PKD1: variants seen among roughly 807,000 people sequenced by gnomAD.
PKD1 encodes the protein polycystin 1, transient receptor potential channel interacting, also known as polycystin-1.
A neutral mutation model predicts 361.7 loss-of-function variants in PKD1; 81 were observed. The observed-to-expected ratio is 0.22, with a 90% confidence interval of 0.19 to 0.27. PKD1 has a LOEUF of 0.27. Among genes scored for constraint, PKD1 ranks in the 10% least tolerant of loss-of-function variants. The pLI is 1.00. For missense variants in PKD1, 6,399 were observed against 6,118.3 expected (o/e 1.05, Z -1.53); for synonymous variants, 3,615 against 2,818.3 (o/e 1.28, Z -8.95).
rs1467236305 is a variant in PKD1 at position 2,118,340 on chromosome 16, C to T, written c.652G>A (p.Gly218Ser). ...EACSAFCFST[G>S]QGLAALSEQG... ...TCCGAGAGGGCTGCGAGGCCCTGGCCGGTGGAGAAGCAGAAGGCGCTGCAG... is the reference window on the plus strand; with the variant it reads ...TCCGAGAGGGCTGCGAGGCCCTGGCTGGTGGAGAAGCAGAAGGCGCTGCAG... Residue 218 changes from glycine (G) to serine (S), a missense_variant, in exon 5 of 46, where the codon GGC becomes AGC. By Grantham distance (56) the Gly-to-Ser change is moderately conservative. Transcript: ENST00000262304. This position sits in a 1 kb window ranked among gnomAD's most constrained non-coding sequence, Gnocchi z 6.0. 6 of 1,460,946 alleles carry T rather than the reference C, an allele frequency of 4.1e-6. No homozygotes were observed. The highest frequency in any genetic ancestry group is 2.5e-5 in the East Asian group (1 of 40,528). The allele number at this position is 1,460,946 out of a possible 1,614,324, so 90.5% of individuals were successfully genotyped here. A position where few individuals can be genotyped will look rare whatever the true frequency, so the allele number is the denominator to read the frequency against.
intron 1 of PKD1, among the ~76,000 whole-genome samples, chr16:2,119,614 A>C (rs2092689746): frequency 6.6e-6 from 1 of 152,166 alleles, no homozygotes; most frequent in Non-Finnish European, 1.5e-5. Flanking sequence ...TCTCAGCCCT[A>C]TGCCGAGTGC....
rs946885769 is a variant in PKD1, at chr16:2,088,832, G to A, written c.*895C>T. On this transcript the variant is annotated 3_prime_UTR_variant, in exon 46 of 46. Coordinates refer to ENST00000262304, the MANE Select transcript of PKD1 (RefSeq NM_001009944.3). ...CAGAAGCAGGCACAGCCAGCTCCGA[G>A]GGCCTTGAGGCTGCCTGGGCCATAC... 4.8e-6 allele frequency: 3 copies of A among 619,034 alleles called. No homozygotes were observed. Among genetic ancestry groups the A allele is most frequent in the South Asian group, 2.0e-5 (1 of 50,986 alleles). The allele number at this position is 619,034 out of a possible 1,614,324, so 38.3% of individuals were successfully genotyped here.
chr16:2,135,723 C>G lies in PKD1; in HGVS notation c.-34G>C. On this transcript the variant is annotated 5_prime_UTR_variant, in exon 1 of 46. Transcript: ENST00000262304. ...CAGCGCGCGCATGGCCCCGCCGTCC[C>G]CAGGCCCGCCCGCGCGCGGAGGCCG... is the stretch of plus-strand genomic sequence containing the variant. 1.0e-6 allele frequency: 1 copy of G among 955,296 alleles called. No individual in the cohort carries two copies. The highest frequency in any genetic ancestry group is 1.2e-6 in the Non-Finnish European group (1 of 805,476). The allele number at this position is 955,296 out of a possible 1,614,324, so 59.2% of individuals were successfully genotyped here.
Position 2,102,414 on chromosome 16 carries a change from G to A in PKD1, c.9168C>T (p.Phe3056=), listed in dbSNP as rs199787425. Residue 3056 remains phenylalanine (F), a synonymous_variant, in exon 25 of 46, where the codon TTC becomes TTT. Transcript: ENST00000262304. ...CAAAGCGGACATGGCTTGGGGGCAC[G>A]AAGAGGCTGGCGCCGAAGGCGGTGA... ...RHLTAFGASL[F]VPPSHVRFVF... is the part of the protein sequence containing the mutation. 14 of 1,553,904 alleles carry A rather than the reference G, an allele frequency of 9.0e-6. No individual in the cohort carries two copies. In the East Asian group the frequency reaches 2.4e-4, roughly 27 times the overall value.
chr16:2,105,288 T>A, intron 21 of PKD1, 34 bp downstream of exon 21: 1 of 1,590,446 alleles, frequency 6.3e-7, no homozygotes, highest in Non-Finnish European at 8.5e-7. Context: ...CTGGCAGGCA[T>A]GCGGGGCAGG....
At chr16:2,112,099 G>A (rs1175122173) in intron 14 of PKD1, among the ~76,000 whole-genome samples, 1 of 152,252 alleles carries the variant, frequency 6.6e-6, no homozygotes, top group African/African-American at 2.4e-5. Flanking sequence ...ACTCGGGGCA[G>A]CAGAGCAGCA....
Position 2,116,860 on chromosome 16 carries a change from T to C in PKD1, c.1579A>G (p.Ser527Gly), listed in dbSNP as rs1249963454. ...CCGGGCTGCAGCTCGCAGACGTAGC[T>C]GTGCGGCGCTGAGCACAGGTCGGTG... ...CNTDLCSAPH[S>G]YVCELQPGGP... is the part of the protein sequence containing the mutation. The change falls in exon 7 of 46, where the codon AGC becomes GGC. Residue 527 changes from serine (S) to glycine (G), a missense_variant. Coordinates refer to ENST00000262304, the MANE Select transcript of PKD1 (RefSeq NM_001009944.3). The C allele has an allele frequency of 2.0e-6, 3 of 1,530,816 alleles. No homozygotes were observed. Among genetic ancestry groups the C allele is most frequent in the Middle Eastern group, 4.6e-4 (2 of 4,346 alleles). The allele number at this position is 1,530,816 out of a possible 1,614,324, so 94.8% of individuals were successfully genotyped here. A position where few individuals can be genotyped will look rare whatever the true frequency, so the allele number is the denominator to read the frequency against.
intron 1 of PKD1, among the ~76,000 whole-genome samples, chr16:2,126,329 G>A (rs2151841655): frequency 6.6e-6 from 1 of 152,388 alleles, no homozygotes; most frequent in Non-Finnish European, 1.5e-5. Context: ...TTTCTGAGGT[G>A]GCCTCACAGA....
At position 2,093,704 on chromosome 16, in the gene PKD1, G is replaced by A. The variant is rs115883514; in HGVS notation, c.10856C>T (p.Ala3619Val). Residue 3619 changes from alanine to valine, a missense_variant, in exon 37 of 46, where the codon GCC becomes GTC. By Grantham distance (64) the Ala-to-Val change is moderately conservative. Transcript: ENST00000262304. ...ATCTTCATCCGGGTGCAGCCGCTTGGCCACCAGTGAGAAGTACAGGGCTTC... is the reference window on the plus strand; with the variant it reads ...ATCTTCATCCGGGTGCAGCCGCTTGACCACCAGTGAGAAGTACAGGGCTTC... The part of the protein sequence containing the change: ...LLEALYFSLV[A>V]KRLHPDEDDT... 4 of 1,597,086 alleles carry A rather than the reference G, an allele frequency of 2.5e-6. No individual in the cohort carries two copies. In the East Asian group the frequency reaches 6.8e-5, roughly 27 times the overall value.
Position 2,135,484 on chromosome 16 carries a change from G to C in PKD1, c.206C>G (p.Ala69Gly). The C allele has an allele frequency of 8.6e-7, 1 of 1,166,752 alleles. No individual in the cohort carries two copies. Among genetic ancestry groups the C allele is most frequent in the Non-Finnish European group, 1.1e-6 (1 of 943,424 alleles). 72.3% of individuals were successfully genotyped at this position (1,166,752 alleles called of 1,614,324 possible). Residue 69 changes from alanine to glycine, a missense_variant, in exon 1 of 46, where the codon GCC becomes GGC. By Grantham distance (60) the Ala-to-Gly change is moderately conservative. Coordinates refer to ENST00000262304, the MANE Select transcript of PKD1 (RefSeq NM_001009944.3). ...LGPALRIPAD[A>G]TALDVSHNLL... ...TGGGCCCGCTACTCACAGCGCTGTG[G>C]CGTCCGCGGGGATGCGCAGCGCGGG... is the stretch of plus-strand genomic sequence containing the variant.
intron 39 of PKD1, 61 bp downstream of exon 39, chr16:2,092,419 A>T (rs2091638038): frequency 8.2e-7 from 1 of 1,218,428 alleles, no homozygotes; most frequent in South Asian, 1.2e-5. Flanking sequence ...GAGCTCCGCT[A>T]AAGGCTGCTC....
At chr16:2,096,098 G>C (rs1195349162) in intron 34 of PKD1, among the ~76,000 whole-genome samples, 1 of 152,244 alleles carries the variant, frequency 6.6e-6, no homozygotes, top group Non-Finnish European at 1.5e-5. Flanking sequence ...AACTAGATGT[G>C]GATGCAAAAG....
Position 2,119,138 on chromosome 16 carries a change from G to A in PKD1, c.335C>T (p.Ala112Val), listed in dbSNP as rs1261496619. ...CATTTCACTTAAATTAAATAAATTAGCAAATATTCCTTCTTCTAACGTAGA... is the reference window on the plus strand; with the variant it reads ...CATTTCACTTAAATTAAATAAATTAACAAATATTCCTTCTTCTAACGTAGA... ...KISTLEEGIF[A>V]NLFNLSEINL... Residue 112 changes from alanine to valine, a missense_variant, in exon 3 of 46, where the codon GCT (alanine) becomes GTT (valine). Physicochemically the swap from Ala to Val is moderately conservative, Grantham distance 64. Transcript: ENST00000262304. 5 of 1,405,020 alleles carry A rather than the reference G, an allele frequency of 3.6e-6. No homozygotes were observed. Among genetic ancestry groups the A allele is most frequent in the Non-Finnish European group, 4.0e-6 (4 of 1,009,140 alleles). The allele number at this position is 1,405,020 out of a possible 1,614,324, so 87.0% of individuals were successfully genotyped here.
At chr16:2,101,604 T>G (rs2092099828) in intron 26 of PKD1, among the ~76,000 whole-genome samples, 1 of 151,954 alleles carries the variant, frequency 6.6e-6, no homozygotes, top group Admixed American at 6.6e-5. Flanking sequence ...GGCAACAGAG[T>G]GAGACTCCGT....
At position 2,103,369 on chromosome 16, in the gene PKD1, G is replaced by A. The variant is rs548736542; in HGVS notation, c.8688C>T (p.Ser2896=). The change falls in exon 23 of 46, where the codon TCC becomes TCT. Residue 2896 remains serine (S), a synonymous_variant. Transcript: ENST00000262304. ...GHRSSANSAN[S]VVVQPQASVG... ...CGGAGGCCTGGGGCTGGACCACAAC[G>A]GAGTTGGCGGAGTTGGCGGAGCTGC... 1.4e-5 allele frequency: 23 copies of A among 1,601,280 alleles called. No homozygotes were observed. Among genetic ancestry groups the A allele is most frequent in the East Asian group, 6.7e-5 (3 of 44,846 alleles).
In PKD1 at chr16:2,111,489, G is replaced by A. The variant is rs780057846; in HGVS notation, c.3678C>T (p.Gly1226=). ...SVDMSLAVEQ[G]APVVVSAAVQ... ...CCGCGGCGCTGACCACCACGGGGGCGCCCTGCTCCACGGCCAGGCTCATGT... is the reference window on the plus strand; with the variant it reads ...CCGCGGCGCTGACCACCACGGGGGCACCCTGCTCCACGGCCAGGCTCATGT... Residue 1226 remains glycine (G), a synonymous_variant, in exon 15 of 46, where the codon GGC becomes GGT. Transcript: ENST00000262304. The A allele has an allele frequency of 5.0e-6, 8 of 1,610,948 alleles. No homozygotes were observed. The highest frequency in any genetic ancestry group is 3.3e-5 in the South Asian group (3 of 90,916).
intron 16 of PKD1, chr16:2,107,652 C>T: frequency 1.6e-6 from 1 of 613,100 alleles, no homozygotes; most frequent in Non-Finnish European, 3.0e-6. Context: ...TGCTAGGGGA[C>T]TGTGTAGCTT....
Position 2,103,698 on chromosome 16 carries a change from G to A in PKD1, c.8359C>T (p.Arg2787Cys), listed in dbSNP as rs371765908. The change falls in exon 23 of 46, where the codon CGC (arginine) becomes TGC (cysteine). Residue 2787 changes from arginine to cysteine, a missense_variant. Coordinates refer to ENST00000262304, the MANE Select transcript of PKD1 (RefSeq NM_001009944.3). The part of the protein sequence containing the change: ...AGEEIVAQGK[R>C]SDPRSLLCYG... ...CACAGCAGGCTCCGCGGGTCCGAGC[G>A]CTTGCCCTGGGCCACGATCTCCTCG... 67 of 1,609,954 alleles carry A rather than the reference G, an allele frequency of 4.2e-5. No homozygotes were observed. The highest frequency in any genetic ancestry group is 7.7e-5 in the South Asian group (7 of 90,954).
chr16:2,115,817 C>T (rs1286676985), intron 9 of PKD1, among the ~76,000 whole-genome samples, 175 bp downstream of exon 9: 1 of 152,186 alleles, frequency 6.6e-6, no homozygotes, highest in Admixed American at 6.5e-5. Flanking sequence ...GCAGGCCCCA[C>T]CCAATCCACC....
Sources: allele counts gnomAD v4.1 joint callset (sites outside exome capture counted in the v4.1 genomes callset), GRCh38; gene constraint gnomAD v4.1.1; non-coding constraint Gnocchi (gnomAD v3.1); transcripts MANE v1.5; gene names NCBI Gene and HGNC (gene_info 2026-07-23, HGNC 2026-07-21).